Variants in EPM2A observed in about 807,000 individuals in gnomAD.
EPM2A encodes the protein laforin.
In EPM2A, 21 loss-of-function variants were observed where a neutral mutation model predicts 26.5. The ratio of observed to expected loss-of-function variants is 0.79; its 90% CI spans 0.56 to 1.14. EPM2A has a LOEUF of 1.14. Among genes scored for constraint, EPM2A ranks in the 50% most tolerant of loss-of-function variants. The pLI, the probability that EPM2A is intolerant of heterozygous loss-of-function variation, is 0.00. For missense variants in EPM2A, 458 were observed against 440.8 expected (o/e 1.04, Z -0.35); for synonymous variants, 217 against 177.6 (o/e 1.22, Z -1.76).
chr6:145,406,800 A>G (rs1026843448), intron 4 of EPM2A, among the ~76,000 whole-genome samples: 18 of 152,186 alleles, frequency 1.2e-4, no homozygotes, highest in Admixed American at 2.6e-4. Context: ...CAACATCAAC[A>G]TCACCTGGGA....
At chr6:145,418,910 G>A (rs369025704) in intron 4 of EPM2A, among the ~76,000 whole-genome samples, 5 of 152,042 alleles carry the variant, frequency 3.3e-5, no homozygotes, top group South Asian at 2.1e-4. Flanking sequence ...TTTAAATTAC[G>A]TTTACCAAAG....
intron 2 of EPM2A, among the ~76,000 whole-genome samples, chr6:145,615,522 G>C (rs1488994201): frequency 6.6e-6 from 1 of 152,050 alleles, no homozygotes; most frequent in African/African-American, 2.4e-5. Context: ...GTGGGGTGCT[G>C]CTGTAAATAC....
At chr6:145,709,384 G>A (rs1782410541) in intron 1 of EPM2A, among the ~76,000 whole-genome samples, 1 of 152,148 alleles carries the variant, frequency 6.6e-6, no homozygotes, top group Non-Finnish European at 1.5e-5. Flanking sequence ...ATTGAATCAT[G>A]GGGGAGGGCT....
intron 2 of EPM2A, among the ~76,000 whole-genome samples, chr6:145,532,853 G>A (rs536711348): frequency 2.6e-4 from 39 of 151,876 alleles, no homozygotes; most frequent in Non-Finnish European, 4.4e-4. Context: ...GCACTTCCTC[G>A]CGAACACCTA....
intron 2 of EPM2A, among the ~76,000 whole-genome samples, chr6:145,563,378 A>G (rs774671484): frequency 6.6e-6 from 1 of 152,014 alleles, no homozygotes; most frequent in Non-Finnish European, 1.5e-5. Flanking sequence ...GAATGCACGC[A>G]AAAGCCCACG....
In EPM2A at chr6:145,399,335, G is replaced by A. The variant is rs757955292; in HGVS notation, c.556-15238C>T. On this transcript the variant is annotated intron_variant, in intron 4 of 4. Transcript: ENST00000638717. ...CTCATACTGGGGTGGGCACACCACT[G>A]CCTCAACAGCCTACACAAGAAGATT... Among the ~76,000 whole-genome samples, 66 of 152,246 alleles carry A rather than the reference G, an allele frequency of 4.3e-4. 1 individual carries two copies. Among genetic ancestry groups the A allele is most frequent in the Admixed American group, 3.4e-3 (52 of 15,278 alleles).
intron 2 of EPM2A, among the ~76,000 whole-genome samples, chr6:145,578,549 C>A (rs1204444850): frequency 2.6e-5 from 4 of 152,086 alleles, no homozygotes; most frequent in Admixed American, 2.6e-4. Context: ...TAATAACAAA[C>A]AGTTTCCCAT....
At chr6:145,556,664 A>G (rs1183381427) in intron 2 of EPM2A, among the ~76,000 whole-genome samples, 2 of 152,090 alleles carry the variant, frequency 1.3e-5, no homozygotes, top group African/African-American at 4.8e-5. Flanking sequence ...TGAGAAGCAG[A>G]CCACCTTAAA....
chr6:145,418,787 G>A (rs956769442), intron 4 of EPM2A, among the ~76,000 whole-genome samples: 13 of 152,194 alleles, frequency 8.5e-5, no homozygotes, highest in Admixed American at 8.5e-4. Flanking sequence ...GACTGCCAGT[G>A]AATGAATGTC....
intron 4 of EPM2A, among the ~76,000 whole-genome samples, chr6:145,481,396 G>A (rs934187264): frequency 2.0e-5 from 3 of 152,104 alleles, no homozygotes; most frequent in South Asian, 2.1e-4. Context: ...CAAAATGATC[G>A]GTTTCTAAAT....
chr6:145,497,178 C>T (rs1779832338), downstream of EPM2A, among the ~76,000 whole-genome samples: 1 of 152,208 alleles, frequency 6.6e-6, no homozygotes, highest in African/African-American at 2.4e-5. Context: ...TAAAGGAGCA[C>T]ATTCTTTTGC....
intron 4 of EPM2A, among the ~76,000 whole-genome samples, chr6:145,394,405 G>C (rs1353219242): frequency 6.6e-6 from 1 of 152,036 alleles, no homozygotes; most frequent in East Asian, 1.9e-4. Flanking sequence ...ACTGATATCT[G>C]TCTGATTCAC....
intron 1 of EPM2A, among the ~76,000 whole-genome samples, chr6:145,697,837 T>C (rs1253564601): frequency 6.6e-6 from 1 of 152,178 alleles, no homozygotes; most frequent in Admixed American, 6.5e-5. Context: ...AGATTTTATA[T>C]TGTTTAAACA....
chr6:145,724,257 G>T (rs1776087923), intron 1 of EPM2A, among the ~76,000 whole-genome samples: 1 of 151,912 alleles, frequency 6.6e-6, no homozygotes, highest in Non-Finnish European at 1.5e-5. Flanking sequence ...AAAATCAATA[G>T]ATACAAAAGT....
At chr6:145,524,785 T>G (rs1780248588) in intron 2 of EPM2A, among the ~76,000 whole-genome samples, 1 of 152,196 alleles carries the variant, frequency 6.6e-6, no homozygotes, top group Non-Finnish European at 1.5e-5. Flanking sequence ...AGGCACTACT[T>G]GCTGACTTTA....
At chr6:145,502,260 C>A (rs1282207597) in intron 3 of EPM2A, among the ~76,000 whole-genome samples, 1 of 152,208 alleles carries the variant, frequency 6.6e-6, no homozygotes, top group Non-Finnish European at 1.5e-5. Context: ...GCTGTCTTGT[C>A]CTGGGTTTCC....
chr6:145,608,971 T>C (rs768698417), intron 2 of EPM2A, among the ~76,000 whole-genome samples: 4 of 152,198 alleles, frequency 2.6e-5, no homozygotes, highest in Admixed American at 2.6e-4. Flanking sequence ...AGAAATGTGA[T>C]CATAGTCACA....
chr6:145,461,974 G>A (rs763728231), intron 4 of EPM2A, among the ~76,000 whole-genome samples: 2 of 152,148 alleles, frequency 1.3e-5, no homozygotes, highest in East Asian at 1.9e-4. Context: ...ATGCAAAAGC[G>A]TAAGCTCAGG....
At chr6:145,696,504 T>C (rs891640298) in intron 1 of EPM2A, among the ~76,000 whole-genome samples, 7 of 152,100 alleles carry the variant, frequency 4.6e-5, no homozygotes, top group East Asian at 1.9e-4. Flanking sequence ...TATATACTCA[T>C]ATCAAAACAT....
Sources: allele counts gnomAD v4.1 joint callset (sites outside exome capture counted in the v4.1 genomes callset), GRCh38; gene constraint gnomAD v4.1.1; transcripts MANE v1.5; gene names NCBI Gene and HGNC (gene_info 2026-07-23, HGNC 2026-07-21).